Variants in TASP1 observed in about 807,000 individuals in gnomAD.
TASP1 encodes threonine aspartase 1.
In TASP1, 16 loss-of-function variants were observed where a neutral mutation model predicts 56.6. The ratio of observed to expected loss-of-function variants is 0.28; its 90% CI spans 0.19 to 0.43. TASP1 has a LOEUF of 0.43. Among genes scored for constraint, TASP1 ranks in the 20% least tolerant of loss-of-function variants. The pLI is 1.00. For synonymous variants in TASP1, 179 were observed against 184.2 expected (o/e 0.97, Z 0.23); for missense variants, 393 against 511.6 (o/e 0.77, Z 2.24).
At chr20:13,346,596 G>A in the TASP1 span, among the ~76,000 whole-genome samples, 1 of 152,208 alleles carries the variant, frequency 6.6e-6, no homozygotes, top group Non-Finnish European at 1.5e-5. Context: ...GGAGTTCAGC[G>A]CATCCAGCGA....
At chr20:13,619,413 T>C (rs1012439322) in intron 4 of TASP1, among the ~76,000 whole-genome samples, 1 of 152,224 alleles carries the variant, frequency 6.6e-6, no homozygotes, top group Admixed American at 6.5e-5. Context: ...CAGGTCTTCA[T>C]ACTTTATAAG....
chr20:13,322,654 A>G, the TASP1 span, among the ~76,000 whole-genome samples: 6 of 152,218 alleles, frequency 3.9e-5, no homozygotes, highest in Non-Finnish European at 8.8e-5. Flanking sequence ...ACCCAGTGAT[A>G]CAGACAGACA....
chr20:13,397,688 C>T (rs1336182518), intron 13 of TASP1, among the ~76,000 whole-genome samples: 1 of 152,182 alleles, frequency 6.6e-6, no homozygotes, highest in Non-Finnish European at 1.5e-5. Context: ...GATTCTGGGA[C>T]TCAGAGAAAT....
At chr20:13,117,662 T>G in the TASP1 span, 2 of 1,614,070 alleles carry the variant, frequency 1.2e-6, no homozygotes, top group Non-Finnish European at 1.7e-6. Context: ...ATGAAGTTGA[T>G]GTGCTCATGG....
chr20:13,322,079 A>T, the TASP1 span, among the ~76,000 whole-genome samples: 8 of 152,254 alleles, frequency 5.3e-5, no homozygotes, highest in African/African-American at 1.9e-4. Context: ...GTGTTCAATA[A>T]AACAAAATAT....
rs1442990265 is a variant in TASP1, at chr20:13,393,662, C to A, written c.1171-3210G>T. 3.1e-6 allele frequency: 4 copies of A among 1,306,878 alleles called. No individual in the cohort carries two copies. In the African/African-American group the frequency reaches 4.3e-5, roughly 14 times the overall value. The allele number at this position is 1,306,878 out of a possible 1,614,324, so 81.0% of individuals were successfully genotyped here. A position where few individuals can be genotyped will look rare whatever the true frequency, so the allele number is the denominator to read the frequency against. On this transcript the variant is annotated intron_variant, in intron 13 of 13. Coordinates refer to ENST00000337743, the MANE Select transcript of TASP1 (RefSeq NM_017714.3). ...TGGTGGACCTCATGGCCCACATGGC[C>A]TCCAAGGAATAAGACCCCTGGACCA...
the TASP1 span, among the ~76,000 whole-genome samples, chr20:13,145,091 G>GA: frequency 1.3e-4 from 20 of 151,034 alleles, no homozygotes; most frequent in Non-Finnish European, 2.7e-4. Flanking sequence ...GTGTATTCTT[G>GA]AAAAAAAAAT....
At position 13,389,594 on chromosome 20, in the gene TASP1, A is replaced by T. The variant is rs1056385409; in HGVS notation, c.*766T>A. 3.3e-5 allele frequency: 5 copies of T among 152,658 alleles called. No homozygotes were observed. The highest frequency in any genetic ancestry group is 1.2e-4 in the African/African-American group (5 of 41,454). 9.5% of individuals were successfully genotyped at this position (152,658 alleles called of 1,614,324 possible). A position where few individuals can be genotyped will look rare whatever the true frequency, so the allele number is the denominator to read the frequency against. On this transcript the variant is annotated 3_prime_UTR_variant, in exon 14 of 14. Coordinates refer to ENST00000337743, the MANE Select transcript of TASP1 (RefSeq NM_017714.3). ...ACTTTCCATTATACACAAATTAAGG[A>T]CTGTGCATTACTGTATGTTCTCTTT...
rs189842272 is a variant in TASP1 at position 13,602,931 on chromosome 20, T to A, written c.283-15561A>T. 3.2e-4 allele frequency among the ~76,000 whole-genome samples: 48 copies of A among 152,274 alleles called. No homozygotes were observed. In the East Asian group the frequency reaches 8.9e-3, roughly 28 times the overall value. On this transcript the variant is annotated intron_variant, in intron 4 of 13. Coordinates refer to ENST00000337743, the MANE Select transcript of TASP1 (RefSeq NM_017714.3). ...AATCTTTAAACTGTTCTAAAATAAG[T>A]TTATTAAAGAAAAATGGGGCCAGGC...
intron 4 of TASP1, among the ~76,000 whole-genome samples, chr20:13,589,543 T>C (rs2047444019): frequency 6.6e-6 from 1 of 152,112 alleles, no homozygotes. Context: ...TTCATAACCT[T>C]GGATAACAAA....
chr20:13,370,607 C>T, the TASP1 span, among the ~76,000 whole-genome samples: 2 of 151,988 alleles, frequency 1.3e-5, no homozygotes, highest in African/African-American at 4.8e-5. Context: ...AAATTATGTT[C>T]CCCCAAAATC....
chr20:13,180,407 C>T, the TASP1 span, among the ~76,000 whole-genome samples: 3 of 152,260 alleles, frequency 2.0e-5, no homozygotes, highest in East Asian at 5.8e-4. Context: ...TTAGCTTCCC[C>T]ATCATGTCCA....
chr20:13,401,507 T>C (rs2041736568), intron 13 of TASP1, among the ~76,000 whole-genome samples: 1 of 152,182 alleles, frequency 6.6e-6, no homozygotes, highest in Non-Finnish European at 1.5e-5. Flanking sequence ...CATCTGTAAC[T>C]CACCCATTTA....
intron 10 of TASP1, among the ~76,000 whole-genome samples, chr20:13,491,775 A>G (rs2043538161): frequency 6.6e-6 from 1 of 152,170 alleles, no homozygotes; most frequent in East Asian, 1.9e-4. Flanking sequence ...GATTATTTTC[A>G]ATCTTTTTTG....
At chr20:13,264,621 C>A in the TASP1 span, among the ~76,000 whole-genome samples, 1 of 152,214 alleles carries the variant, frequency 6.6e-6, no homozygotes, top group East Asian at 1.9e-4. Context: ...TCTGACCACT[C>A]TGACCCTAGA....
chr20:13,255,542 T>A, the TASP1 span, among the ~76,000 whole-genome samples: 1 of 152,156 alleles, frequency 6.6e-6, no homozygotes, highest in Non-Finnish European at 1.5e-5. Flanking sequence ...GAAGGCAGTA[T>A]CTAAATAAGG....
chr20:13,356,863 C>T, the TASP1 span, among the ~76,000 whole-genome samples: 1 of 152,108 alleles, frequency 6.6e-6, no homozygotes, highest in Non-Finnish European at 1.5e-5. Flanking sequence ...ATAAACCCAG[C>T]TTGAATTGAT....
chr20:13,222,044 G>T, the TASP1 span: 1 of 930,954 alleles, frequency 1.1e-6, no homozygotes, highest in East Asian at 3.4e-5. Context: ...TGTTTTGGCA[G>T]TAGTTTTGCC....
At chr20:13,499,668 T>G (rs918432597) in intron 10 of TASP1, among the ~76,000 whole-genome samples, 1 of 152,028 alleles carries the variant, frequency 6.6e-6, no homozygotes, top group Admixed American at 6.6e-5. Context: ...AATGGAGTCT[T>G]TGATGCTGAA....
Sources: allele counts gnomAD v4.1 joint callset (sites outside exome capture counted in the v4.1 genomes callset), GRCh38; gene constraint gnomAD v4.1.1; transcripts MANE v1.5; gene names NCBI Gene and HGNC (gene_info 2026-07-23, HGNC 2026-07-21).